The following NEDD4L variants were observed in gnomAD, a reference collection of about 807,000 sequenced individuals.
NEDD4L encodes the protein NEDD4 like E3 ubiquitin protein ligase.
In NEDD4L, 54 loss-of-function variants were observed where a neutral mutation model predicts 148.9. The observed-to-expected ratio is 0.36, with a 90% confidence interval of 0.29 to 0.45. The LOEUF is 0.45. Among genes scored for constraint, NEDD4L ranks in the 20% least tolerant of loss-of-function variants. NEDD4L has a pLI of 1.00. For missense variants in NEDD4L, 856 were observed against 1,233.8 expected (o/e 0.69, Z 4.59); for synonymous variants, 433 against 440.7 (o/e 0.98, Z 0.22).
intron 6 of NEDD4L, 21 bp from the exon 7 acceptor site, chr18:58,322,404 T>A (rs1237791867): frequency 1.3e-6 from 2 of 1,544,482 alleles, no homozygotes; most frequent in African/African-American, 2.7e-5. Flanking sequence ...TAAAATTTAA[T>A]TTACTGTTTT....
chr18:58,270,546 C>T (rs565999794), intron 5 of NEDD4L, among the ~76,000 whole-genome samples: 24 of 152,292 alleles, frequency 1.6e-4, no homozygotes, highest in African/African-American at 3.1e-4. Context: ...TTTTTTGACA[C>T]GCTGTTACTC....
At chr18:58,104,874 C>G (rs982682820) in intron 1 of NEDD4L, among the ~76,000 whole-genome samples, 6 of 151,776 alleles carry the variant, frequency 4.0e-5, no homozygotes, top group Admixed American at 6.6e-5. Flanking sequence ...CCCTCCACCC[C>G]CCAAACACAT....
At chr18:58,227,603 A>G (rs2044524118) in intron 2 of NEDD4L, among the ~76,000 whole-genome samples, 1 of 152,200 alleles carries the variant, frequency 6.6e-6, no homozygotes, top group African/African-American at 2.4e-5. Context: ...CTTCTCTTCT[A>G]GAAAGAGGTC....
chr18:58,176,013 C>T (rs1599376645), intron 2 of NEDD4L, among the ~76,000 whole-genome samples: 1 of 152,162 alleles, frequency 6.6e-6, no homozygotes, highest in East Asian at 1.9e-4. Context: ...GCCATCGCCA[C>T]AATAATGGAT....
chr18:58,220,780 A>G (rs1342118966), intron 2 of NEDD4L, among the ~76,000 whole-genome samples: 2 of 152,156 alleles, frequency 1.3e-5, no homozygotes, highest in Admixed American at 6.5e-5. Flanking sequence ...AGCAAGAGGA[A>G]AGAGAAGTAG....
chr18:58,090,541 C>T (rs1188254598), intron 1 of NEDD4L, among the ~76,000 whole-genome samples: 1 of 152,190 alleles, frequency 6.6e-6, no homozygotes, highest in Non-Finnish European at 1.5e-5. Flanking sequence ...TGCAGCGGTG[C>T]GATCTTGGCT....
At chr18:58,152,540 A>T (rs1381633757) in intron 1 of NEDD4L, among the ~76,000 whole-genome samples, 1 of 152,232 alleles carries the variant, frequency 6.6e-6, no homozygotes, top group South Asian at 2.1e-4. Flanking sequence ...TTAAAAATGT[A>T]TGTAAATAGC....
Position 58,268,317 on chromosome 18 carries a change from G to C in NEDD4L, c.297+16263G>C, listed in dbSNP as rs773260061. On this transcript the variant is annotated intron_variant, in intron 5 of 30. Coordinates refer to ENST00000400345, the MANE Select transcript of NEDD4L (RefSeq NM_001144967.3). ...CCTAGGTAGCAGCCCTCACAGAGAAGGCAGATGTTTCTTTCAGACCTTTAA... is the reference window on the plus strand; with the variant it reads ...CCTAGGTAGCAGCCCTCACAGAGAACGCAGATGTTTCTTTCAGACCTTTAA... 1.1e-4 allele frequency among the ~76,000 whole-genome samples: 16 copies of C among 151,918 alleles called. 1 individual carries two copies. The highest frequency in any genetic ancestry group is 1.8e-4 in the Non-Finnish European group (12 of 67,910).
At chr18:58,292,545 C>T (rs1278288281) in intron 5 of NEDD4L, among the ~76,000 whole-genome samples, 7 of 152,196 alleles carry the variant, frequency 4.6e-5, no homozygotes, top group East Asian at 1.9e-4. Context: ...TCTACTCTCT[C>T]GTAGTACTTT....
chr18:58,080,287 G>A (rs2083365619), intron 1 of NEDD4L, among the ~76,000 whole-genome samples: 1 of 152,254 alleles, frequency 6.6e-6, no homozygotes, highest in Non-Finnish European at 1.5e-5. Flanking sequence ...TCCGGCATAT[G>A]CACAGCAGTT....
At chr18:58,314,706 A>G (rs745354986) in intron 5 of NEDD4L, 3 of 152,248 alleles carry the variant, frequency 2.0e-5, no homozygotes, top group Non-Finnish European at 4.4e-5. Flanking sequence ...AAATCTCATC[A>G]AAAGGATTGG....
In NEDD4L at chr18:58,322,505, G is replaced by T; in HGVS notation, c.410+19G>T. 1 of 1,399,794 alleles carries T rather than the reference G, an allele frequency of 7.1e-7. No individual in the cohort carries two copies. The highest frequency in any genetic ancestry group is 1.0e-6 in the Non-Finnish European group (1 of 993,674). 86.7% of individuals were successfully genotyped at this position (1,399,794 alleles called of 1,614,324 possible). A position where few individuals can be genotyped will look rare whatever the true frequency, so the allele number is the denominator to read the frequency against. On this transcript the variant is annotated intron_variant, in intron 7 of 30. Transcript: ENST00000400345. ...CAAGAAGGTGAGGCTTGTGGGTATG[G>T]GTGGGTGGGGATGCCTGCCCTGCAT...
intron 1 of NEDD4L, among the ~76,000 whole-genome samples, chr18:58,157,172 C>T (rs761013666): frequency 7.1e-5 from 10 of 141,196 alleles, no homozygotes; most frequent in African/African-American, 1.1e-4. Flanking sequence ...GGGGCAACAG[C>T]TAGACCTTGT....
intron 1 of NEDD4L, among the ~76,000 whole-genome samples, chr18:58,163,159 C>A (rs1197850320): frequency 6.6e-6 from 1 of 152,158 alleles, no homozygotes; most frequent in African/African-American, 2.4e-5. Flanking sequence ...CGCACTGCAG[C>A]CTTGAGCTCC....
At chr18:58,062,221 C>G (rs192691926) in intron 1 of NEDD4L, among the ~76,000 whole-genome samples, 1 of 152,232 alleles carries the variant, frequency 6.6e-6, no homozygotes, top group East Asian at 1.9e-4. Flanking sequence ...CTTGATCACC[C>G]AGTACGTGGG....
At chr18:58,306,647 T>C (rs752168398) in intron 5 of NEDD4L, among the ~76,000 whole-genome samples, 4 of 151,088 alleles carry the variant, frequency 2.6e-5, no homozygotes, top group Non-Finnish European at 5.9e-5. Context: ...TTTTTTGAAA[T>C]GGAATTTTGC....
In NEDD4L at chr18:58,327,553, C is replaced by G. The variant is rs75186655; in HGVS notation, c.681-1442C>G. 5.0e-3 allele frequency among the ~76,000 whole-genome samples: 759 copies of G among 152,314 alleles called. 8 individuals carry two copies. Among genetic ancestry groups the G allele is most frequent in the African/African-American group, 0.018 (736 of 41,560 alleles). On this transcript the variant is annotated intron_variant, in intron 9 of 30. Transcript: ENST00000400345. ...GGCAGAACCTGAGGAGCGCCTCCTTCCAATGGGCATAACTTCTAGAAGGCA... is the reference window on the plus strand; with the variant it reads ...GGCAGAACCTGAGGAGCGCCTCCTTGCAATGGGCATAACTTCTAGAAGGCA...
At chr18:58,175,729 C>T (rs370031718) in intron 2 of NEDD4L, among the ~76,000 whole-genome samples, 2 of 152,248 alleles carry the variant, frequency 1.3e-5, no homozygotes, top group African/African-American at 4.8e-5. Context: ...ACCCCCCAAA[C>T]CGAAATGACA....
intron 1 of NEDD4L, among the ~76,000 whole-genome samples, chr18:58,056,825 C>T (rs1050420836): frequency 6.6e-6 from 1 of 151,770 alleles, no homozygotes; most frequent in African/African-American, 2.4e-5. Flanking sequence ...AAGTGATCCA[C>T]CTGCCTCGGC....
Sources: gnomAD v4.1 joint callset for allele counts (sites outside exome capture counted in the v4.1 genomes callset) on GRCh38, gnomAD v4.1.1 for gene constraint, MANE v1.5 for transcripts, NCBI Gene and HGNC (gene_info 2026-07-23, HGNC 2026-07-21) for gene names.